The following CFAP70 variants were observed in gnomAD, a reference collection of about 807,000 sequenced individuals.
CFAP70 encodes cilia- and flagella-associated protein 70.
A neutral mutation model predicts 137.6 loss-of-function variants in CFAP70; 81 were observed. The ratio of observed to expected loss-of-function variants is 0.59; its 90% CI spans 0.49 to 0.71. CFAP70 has a LOEUF of 0.71. Among genes scored for constraint, CFAP70 ranks in the 30% least tolerant of loss-of-function variants. The pLI, the probability that CFAP70 is intolerant of heterozygous loss-of-function variation, is 0.00. For synonymous variants in CFAP70, 382 were observed against 423.6 expected, an observed-to-expected ratio of 0.90 and a Z score of 1.20; for missense variants, 976 against 1,226.7, an observed-to-expected ratio of 0.80 and a Z score of 3.05.
intron 19 of CFAP70, among the ~76,000 whole-genome samples, chr10:73,282,826 C>CTTTTTTTTTTT (rs1203127459): frequency 6.6e-5 from 6 of 90,932 alleles, no homozygotes; most frequent in Non-Finnish European, 8.6e-5. Flanking sequence ...TTCCTGTTAT[C>CTTTTTTTTTTT]TTTTTTTTTT....
At chr10:73,360,320 G>A (rs1164866676), upstream of CFAP70, among the ~76,000 whole-genome samples, 1 of 152,114 alleles carries the variant, frequency 6.6e-6, no homozygotes, top group Non-Finnish European at 1.5e-5. Flanking sequence ...TCCAGAAAAA[G>A]ACTAACAAGG....
intron 16 of CFAP70, 76 bp from the exon 18 acceptor site, chr10:73,292,090 T>A (rs1239780536): frequency 3.3e-6 from 5 of 1,516,156 alleles, no homozygotes; most frequent in Non-Finnish European, 4.5e-6. Context: ...TGGTAAACAC[T>A]GTAAATACTG....
intron 6 of CFAP70, among the ~76,000 whole-genome samples, chr10:73,335,891 A>G (rs762225177): frequency 2.6e-5 from 4 of 151,164 alleles, no homozygotes; most frequent in Non-Finnish European, 4.4e-5. Flanking sequence ...CTGTAATCCC[A>G]ACACTTTAGG....
At chr10:73,299,485 G>T in intron 13 of CFAP70, 120 bp downstream of exon 14, 1 of 773,240 alleles carries the variant, frequency 1.3e-6, no homozygotes, top group Non-Finnish European at 2.2e-6. Flanking sequence ...ATGAAAATAC[G>T]TAAAGCTTCA....
At chr10:73,310,288 AT>A (rs758293304) in intron 11 of CFAP70, 39 bp from the exon 13 acceptor site, 1 of 1,465,794 alleles carries the variant, frequency 6.8e-7, no homozygotes. Context: ...CCAGAAAAAA[AT>A]ATATTTATGA....
At chr10:73,306,340 C>T (rs2049373349) in intron 12 of CFAP70, among the ~76,000 whole-genome samples, 1 of 152,026 alleles carries the variant, frequency 6.6e-6, no homozygotes, top group South Asian at 2.1e-4. Context: ...TTGACACATC[C>T]AAGAAACTTA....
At chr10:73,274,834 T>G (rs1360642661) in intron 22 of CFAP70, 1 of 478,010 alleles carries the variant, frequency 2.1e-6, no homozygotes, top group African/African-American at 2.0e-5. Flanking sequence ...CCATTTTGGG[T>G]GTGGAGTAAA....
chr10:73,286,601 T>C lies in CFAP70; in HGVS notation c.2239+4625A>G, dbSNP rs578215411. The stretch of plus-strand genomic sequence containing the variant: ...AAATAAAAAGGAGAGAAAATATAAA[T>C]AGTGCCACAGGAGGTTGGGACACAA... On this transcript the variant is annotated intron_variant, in intron 19 of 26. Coordinates refer to ENST00000310715, the Ensembl canonical transcript of CFAP70. Among the ~76,000 whole-genome samples, 24 of 152,166 alleles carry C rather than the reference T, an allele frequency of 1.6e-4. No individual in the cohort carries two copies. The South Asian group carries it at 5.0e-3, about 32-fold the overall frequency.
Position 73,273,094 on chromosome 10 carries a change from C to T in CFAP70, c.2836-77G>A, listed in dbSNP as rs1288674115. ...TATTGCTGGGATGATCATGGGATCT[C>T]TGATAATTGCTCTCCAGAACAATCT... is the stretch of plus-strand genomic sequence containing the variant. On this transcript the variant is annotated intron_variant, in intron 23 of 26. Coordinates refer to ENST00000310715, the Ensembl canonical transcript of CFAP70. 1.2e-5 allele frequency: 13 copies of T among 1,088,242 alleles called. No individual in the cohort carries two copies. The Middle Eastern group carries it at 8.5e-4, about 71-fold the overall frequency. 67.4% of individuals were successfully genotyped at this position (1,088,242 alleles called of 1,614,324 possible). A position where few individuals can be genotyped will look rare whatever the true frequency, so the allele number is the denominator to read the frequency against.
chr10:73,257,876 C>CTTTTTTT (rs745485451), intron 25 of CFAP70, among the ~76,000 whole-genome samples: 10 of 129,910 alleles, frequency 7.7e-5, no homozygotes, highest in African/African-American at 2.4e-4. Flanking sequence ...CCTTTTCCTT[C>CTTTTTTT]TTTTTTTTTT....
chr10:73,338,951 G>A (rs187224639), intron 6 of CFAP70, among the ~76,000 whole-genome samples: 36 of 147,106 alleles, frequency 2.4e-4, no homozygotes, highest in Admixed American at 5.4e-4. Flanking sequence ...ACACGGTCTC[G>A]CTCTGACACT....
chr10:73,331,402 C>T (rs1180514252), intron 7 of CFAP70, 126 bp from the exon 9 acceptor site: 6 of 756,876 alleles, frequency 7.9e-6, no homozygotes, highest in East Asian at 3.2e-5. Flanking sequence ...TTGGGGGGCT[C>T]GGCTCAGTGG....
chr10:73,310,909 T>C (rs2049860717), intron 11 of CFAP70, among the ~76,000 whole-genome samples: 1 of 152,164 alleles, frequency 6.6e-6, no homozygotes, highest in Non-Finnish European at 1.5e-5. Context: ...ACCCCTGTCC[T>C]AAATAAAACT....
chr10:73,265,048 G>T (rs1335434034), intron 25 of CFAP70, among the ~76,000 whole-genome samples: 1 of 152,092 alleles, frequency 6.6e-6, no homozygotes, highest in African/African-American at 2.4e-5. Flanking sequence ...AGATTCGGCC[G>T]GGTGCGGTGG....
upstream of CFAP70, among the ~76,000 whole-genome samples, chr10:73,362,390 AT>A (rs1211955791): frequency 5.9e-5 from 9 of 152,214 alleles, no homozygotes; most frequent in African/African-American, 2.2e-4. Flanking sequence ...AAGTATGAAC[AT>A]TTTAATAATG....
At chr10:73,317,803 A>G (rs1179237968) in intron 9 of CFAP70, among the ~76,000 whole-genome samples, 1 of 152,176 alleles carries the variant, frequency 6.6e-6, no homozygotes, top group East Asian at 1.9e-4. Context: ...CTCAAAAAAA[A>G]GGAAGAAAGA....
At chr10:73,291,498 C>G in intron 18 of CFAP70, 54 bp from the exon 20 acceptor site, 1 of 1,549,840 alleles carries the variant, frequency 6.5e-7, no homozygotes, top group Non-Finnish European at 8.9e-7. Flanking sequence ...CTATCATATA[C>G]TAAAGAATTG....
intron 3 of CFAP70, among the ~76,000 whole-genome samples, chr10:73,351,007 G>GTATA (rs1292135599): frequency 1.9e-3 from 258 of 134,722 alleles, no homozygotes; most frequent in African/African-American, 7.9e-3. Flanking sequence ...GTATATGTGT[G>GTATA]TATGTGTGTG....
chr10:73,311,870 T>C (rs957131044), exon 11 of CFAP70: 4 of 1,613,910 alleles, frequency 2.5e-6, no homozygotes, highest in African/African-American at 1.3e-5. Context: ...GGGGTTCACC[T>C]TCCAAAGGAG....
Sources: gnomAD v4.1 joint callset for allele counts (sites outside exome capture counted in the v4.1 genomes callset) on GRCh38, gnomAD v4.1.1 for gene constraint, MANE v1.5 for transcripts, NCBI Gene and HGNC (gene_info 2026-07-23, HGNC 2026-07-21) for gene names.